MACROD2: variants seen among roughly 807,000 people sequenced by gnomAD.
MACROD2 encodes the protein ADP-ribose glycohydrolase MACROD2.
A neutral mutation model predicts 70.4 loss-of-function variants in MACROD2; 36 were observed. That is an observed-to-expected ratio of 0.51 (90% CI 0.39 to 0.68). The LOEUF (loss-of-function observed/expected upper bound fraction) is 0.68. MACROD2 is among the 30% of genes least tolerant of loss of function. The pLI, the probability that MACROD2 is intolerant of heterozygous loss-of-function variation, is 0.00. For missense variants in MACROD2, 496 were observed against 538.4 expected, an observed-to-expected ratio of 0.92 and a Z score of 0.78; for synonymous variants, 172 against 178.8, an observed-to-expected ratio of 0.96 and a Z score of 0.30.
chr20:14,500,977 C>T (rs575611651), intron 4 of MACROD2, among the ~76,000 whole-genome samples: 48 of 150,978 alleles, frequency 3.2e-4, no homozygotes, highest in African/African-American at 9.7e-4. Flanking sequence ...TTATATAGTT[C>T]GGTTTTGACC....
chr20:14,130,061 GGA>G (rs2054698394), intron 3 of MACROD2, among the ~76,000 whole-genome samples: 1 of 152,094 alleles, frequency 6.6e-6, no homozygotes. Flanking sequence ...ACCCAACTGA[GGA>G]AGACAATGTC....
At chr20:14,970,520 GTATTTCTTCAGTTCACCA>G (rs2074680999) in intron 5 of MACROD2, among the ~76,000 whole-genome samples, 1 of 151,994 alleles carries the variant, frequency 6.6e-6, no homozygotes, top group Non-Finnish European at 1.5e-5. Context: ...TTGAAGGGAT[GTATTTCTTCAGTTCACCA>G]GAAAAAGTGA....
At chr20:15,048,375 C>A (rs555164306) in intron 5 of MACROD2, among the ~76,000 whole-genome samples, 225 of 152,110 alleles carry the variant, frequency 1.5e-3, no homozygotes, top group Non-Finnish European at 2.3e-3. Flanking sequence ...TCCCTCCTGA[C>A]AGATACACTT....
chr20:16,032,982 C>CCT (rs1281666359), intron 15 of MACROD2, among the ~76,000 whole-genome samples: 1 of 151,964 alleles, frequency 6.6e-6, no homozygotes, highest in African/African-American at 2.4e-5. Flanking sequence ...ACTTATTTTG[C>CCT]GTGACTGTGA....
intron 5 of MACROD2, among the ~76,000 whole-genome samples, chr20:15,076,110 T>C (rs1182425789): frequency 8.1e-6 from 1 of 122,758 alleles, no homozygotes; most frequent in Non-Finnish European, 1.5e-5. Context: ...TGAATAAATA[T>C]ATATGTTATA....
intron 5 of MACROD2, among the ~76,000 whole-genome samples, chr20:15,212,139 C>T (rs980592488): frequency 6.6e-6 from 1 of 152,158 alleles, no homozygotes; most frequent in Non-Finnish European, 1.5e-5. Flanking sequence ...TACTTATTGG[C>T]CATTTGTGTA....
intron 4 of MACROD2, among the ~76,000 whole-genome samples, chr20:14,598,903 G>A (rs555302627): frequency 5.9e-5 from 9 of 152,166 alleles, no homozygotes; most frequent in East Asian, 1.9e-4. Context: ...AGTTATACTC[G>A]AAGCACATCT....
intron 10 of MACROD2, among the ~76,000 whole-genome samples, chr20:15,919,982 C>T (rs2065378361): frequency 6.6e-6 from 1 of 152,096 alleles, no homozygotes; most frequent in African/African-American, 2.4e-5. Context: ...ACTCCCTGCT[C>T]CATACAGTAA....
intron 4 of MACROD2, among the ~76,000 whole-genome samples, chr20:14,501,183 T>G (rs2084911036): frequency 6.6e-6 from 1 of 152,124 alleles, no homozygotes; most frequent in Admixed American, 6.5e-5. Context: ...ATAATTTTCT[T>G]TAAATATATT....
chr20:14,322,336 T>C (rs999647146), intron 3 of MACROD2, among the ~76,000 whole-genome samples: 7 of 150,366 alleles, frequency 4.7e-5, no homozygotes, highest in African/African-American at 1.7e-4. Context: ...TCAAAAGGTG[T>C]ATTTTAGAAC....
chr20:14,737,739 A>G (rs1372764001), intron 5 of MACROD2, among the ~76,000 whole-genome samples: 2 of 152,076 alleles, frequency 1.3e-5, no homozygotes, highest in African/African-American at 4.8e-5. Flanking sequence ...TTCATTGGCC[A>G]CATAAATGTT....
At chr20:14,451,787 C>T (rs760243334) in intron 3 of MACROD2, among the ~76,000 whole-genome samples, 12 of 152,126 alleles carry the variant, frequency 7.9e-5, no homozygotes, top group Non-Finnish European at 1.6e-4. Flanking sequence ...ATGGGAGGAG[C>T]GTCCAGTGTC....
chr20:14,040,226 T>TA (rs1009602323), intron 2 of MACROD2, among the ~76,000 whole-genome samples: 7 of 152,172 alleles, frequency 4.6e-5, no homozygotes, highest in African/African-American at 1.7e-4. Context: ...ACACCTAGGC[T>TA]ATATGGTTAT....
intron 6 of MACROD2, among the ~76,000 whole-genome samples, chr20:15,297,548 G>A (rs1035307491): frequency 6.6e-6 from 1 of 152,172 alleles, no homozygotes; most frequent in Non-Finnish European, 1.5e-5. Context: ...CAAACCATCT[G>A]TAACTGGCTG....
At chr20:15,372,568 G>A in intron 6 of MACROD2, among the ~76,000 whole-genome samples, 1 of 152,024 alleles carries the variant, frequency 6.6e-6, no homozygotes, top group East Asian at 1.9e-4. Context: ...TCTTTTTCTA[G>A]ATGCCATGTA....
intron 3 of MACROD2, among the ~76,000 whole-genome samples, chr20:14,095,889 G>C (rs2054217441): frequency 6.6e-6 from 1 of 152,154 alleles, no homozygotes; most frequent in Non-Finnish European, 1.5e-5. Flanking sequence ...ACAGTTCATT[G>C]TAACTTTGGA....
intron 2 of MACROD2, among the ~76,000 whole-genome samples, chr20:14,041,582 T>C (rs2053390785): frequency 6.6e-6 from 1 of 152,128 alleles, no homozygotes; most frequent in African/African-American, 2.4e-5. Flanking sequence ...CCAGAAAATT[T>C]TGAGGCTTTC....
intron 4 of MACROD2, among the ~76,000 whole-genome samples, chr20:14,656,496 A>G (rs1600505661): frequency 6.6e-6 from 1 of 152,218 alleles, no homozygotes; most frequent in African/African-American, 2.4e-5. Context: ...AGTTCATTTG[A>G]ACATTTTCCT....
At chr20:14,005,005 A>G (rs1052004721) in intron 2 of MACROD2, among the ~76,000 whole-genome samples, 1 of 152,156 alleles carries the variant, frequency 6.6e-6, no homozygotes, top group Non-Finnish European at 1.5e-5. Context: ...TGCTTTGTTC[A>G]GATTTATTTT....
Sources: allele counts gnomAD v4.1 joint callset (sites outside exome capture counted in the v4.1 genomes callset), GRCh38; gene constraint gnomAD v4.1.1; transcripts MANE v1.5; gene names NCBI Gene and HGNC (gene_info 2026-07-23, HGNC 2026-07-21).